The following GON4L variants were observed in gnomAD, a reference collection of about 807,000 sequenced individuals.
The protein encoded by GON4L is gon-4 like.
Under a neutral mutation model 211.8 loss-of-function variants are expected in GON4L, and 87 were observed. The observed-to-expected ratio is 0.41, with a 90% CI of 0.35 to 0.49. GON4L has a LOEUF of 0.49. Among genes scored for constraint, GON4L ranks in the 20% least tolerant of loss-of-function variants. The probability of loss-of-function intolerance (pLI) is 0.15; values close to 1 mark genes in which losing one functional copy is unlikely to be tolerated. For synonymous variants in GON4L, 875 were observed against 962.6 expected (o/e 0.91, Z 1.68); for missense variants, 2,155 against 2,659.5 (o/e 0.81, Z 4.17).
At chr1:155,816,318 A>G in intron 6 of GON4L, 56 bp from the exon 7 acceptor site, 3 of 839,906 alleles carry the variant, frequency 3.6e-6, no homozygotes, top group East Asian at 5.1e-5. Flanking sequence ...ATTGTTTTTC[A>G]TGTTTACTTC....
At chr1:155,805,647 A>G (rs565436868) in intron 10 of GON4L, among the ~76,000 whole-genome samples, 1 of 151,888 alleles carries the variant, frequency 6.6e-6, no homozygotes, top group South Asian at 2.1e-4. Flanking sequence ...GCTTTCAGTT[A>G]GCATAATGCA....
intron 8 of GON4L, 127 bp from the exon 9 acceptor site, chr1:155,814,576 T>C (rs1371914062): frequency 9.8e-7 from 1 of 1,017,582 alleles, no homozygotes; most frequent in East Asian, 2.5e-5. Flanking sequence ...TGAACACCCG[T>C]CTCTGCTAAA....
At position 155,775,507 on chromosome 1, in the gene GON4L, C is replaced by T. The variant is rs549272848; in HGVS notation, c.2179-334G>A. On this transcript the variant is annotated intron_variant, in intron 16 of 31. Transcript: ENST00000368331. ...TTTCGCTCTGTCGCCCAGGCTGGAGCGTAGTGGTGCGATCTTGACTCACTG... is the reference window on the plus strand; with the variant it reads ...TTTCGCTCTGTCGCCCAGGCTGGAGTGTAGTGGTGCGATCTTGACTCACTG... Among the ~76,000 whole-genome samples, 8 of 150,274 alleles carry T rather than the reference C, an allele frequency of 5.3e-5. No homozygotes were observed. In the East Asian group the frequency reaches 1.2e-3, roughly 22 times the overall value.
intron 2 of GON4L, among the ~76,000 whole-genome samples, chr1:155,841,888 C>T (rs822499): frequency 0.86 from 131,361 of 152,162 alleles, 58,202 homozygotes; most frequent in East Asian, 1. Flanking sequence ...AGTAGCTGGG[C>T]GTGGTGGCGA....
rs1338037113 is a variant in GON4L at position 155,766,411 on chromosome 1, G to A, written c.3062C>T (p.Thr1021Ile). The A allele has an allele frequency of 9.9e-6, 16 of 1,614,038 alleles. No homozygotes were observed. The highest frequency in any genetic ancestry group is 1.2e-5 in the Non-Finnish European group (14 of 1,180,038). Reference sequence around the variant, plus strand: ...TTCTGAATGAGTTGATCGGGCTGGTGTTTTCCCAGGGTTGAAGCTGGGCTG... The same window carrying A: ...TTCTGAATGAGTTGATCGGGCTGGTATTTTCCCAGGGTTGAAGCTGGGCTG... The part of the protein sequence containing the change: ...SLQPSFNPGK[T>I]PARSTHSEAP... Residue 1021 changes from threonine to isoleucine, a missense_variant, in exon 21 of 32, where the codon ACA becomes ATA. Thr to Ile is a moderately conservative substitution (Grantham distance 89). Around this residue, in one of 6 missense-constraint regions of GON4L, gnomAD observed 615 missense variants for 625.7 expected, o/e 0.98. Coordinates refer to ENST00000368331, the MANE Select transcript of GON4L (RefSeq NM_001282860.2).
rs1182059824 is a variant in GON4L, at chr1:155,789,621, AG to A, written c.1748-4248del. Among the ~76,000 whole-genome samples the A allele has an allele frequency of 1.2e-3, 186 of 152,172 alleles. 1 individual carries two copies. Among genetic ancestry groups the A allele is most frequent in the African/African-American group, 4.3e-3 (179 of 41,536 alleles). On this transcript the variant is annotated intron_variant, in intron 12 of 31. Transcript: ENST00000368331. ...ACCTTGTCTGAATTTAAAAAAAAAA[AG>A]AAAAAAAAGTGAAGTATAATTTACT... is the stretch of plus-strand genomic sequence containing the variant.
chr1:155,814,533 T>C, intron 8 of GON4L, 84 bp from the exon 9 acceptor site: 2 of 1,372,722 alleles, frequency 1.5e-6, no homozygotes, highest in Admixed American at 3.4e-5. Flanking sequence ...GAAGGAATCA[T>C]AAAATATCAA....
intron 12 of GON4L, among the ~76,000 whole-genome samples, chr1:155,791,729 G>A (rs958381798): frequency 6.6e-6 from 1 of 151,488 alleles, no homozygotes; most frequent in Non-Finnish European, 1.5e-5. Flanking sequence ...TTAGCTGGGC[G>A]TGGTGGCGGG....
chr1:155,806,344 G>A (rs1223169984), intron 10 of GON4L, among the ~76,000 whole-genome samples: 1 of 151,464 alleles, frequency 6.6e-6, no homozygotes, highest in Non-Finnish European at 1.5e-5. Flanking sequence ...GTAGAAATGG[G>A]GTTGGCCAGG....
At chr1:155,835,464 A>C (rs963889903) in intron 2 of GON4L, among the ~76,000 whole-genome samples, 1 of 123,178 alleles carries the variant, frequency 8.1e-6, no homozygotes, top group African/African-American at 3.4e-5. Flanking sequence ...ATGATCAATT[A>C]AAAAAAAAAA....
At chr1:155,858,005 C>A (rs1395193249), upstream of GON4L, among the ~76,000 whole-genome samples, 1 of 152,188 alleles carries the variant, frequency 6.6e-6, no homozygotes, top group Non-Finnish European at 1.5e-5. Flanking sequence ...CCAGTTTGCA[C>A]AGGACAAAGT....
chr1:155,766,826 A>C (rs1465937510), intron 20 of GON4L, 117 bp from the exon 21 acceptor site: 2 of 1,500,372 alleles, frequency 1.3e-6, no homozygotes, highest in Non-Finnish European at 1.8e-6. Flanking sequence ...TGGGCAGATC[A>C]CTTGAGGTCA....
intron 3 of GON4L, 59 bp from the exon 4 acceptor site, chr1:155,822,535 C>A: frequency 7.7e-7 from 1 of 1,291,408 alleles, no homozygotes; most frequent in Non-Finnish European, 1.1e-6. Flanking sequence ...GGAACTTAGC[C>A]CAGAAAGCCA....
chr1:155,829,533 GAGGTTGCAGTGAGCCA>G lies in GON4L; in HGVS notation c.506-2521_506-2506del, dbSNP rs574355513. Among the ~76,000 whole-genome samples, 122 of 152,292 alleles carry G rather than the reference GAGGTTGCAGTGAGCCA, an allele frequency of 8.0e-4. 1 individual carries two copies. The South Asian group carries it at 0.013, about 16-fold the overall frequency. On this transcript the variant is annotated intron_variant, in intron 2 of 31. Coordinates refer to ENST00000368331, the MANE Select transcript of GON4L (RefSeq NM_001282860.2). ...GAGAATCACCTGAACCGGGGAGGCA[GAGGTTGCAGTGAGCCA>G]AGGTTGCAGTGAGCCAAGGTTGCAC...
chr1:155,755,886 G>C (rs542502497), intron 27 of GON4L, among the ~76,000 whole-genome samples: 12 of 151,446 alleles, frequency 7.9e-5, no homozygotes, highest in South Asian at 2.1e-4. Flanking sequence ...GAAACAAAGA[G>C]AGGTTAAATA....
downstream of GON4L, among the ~76,000 whole-genome samples, chr1:155,745,383 G>A (rs1365082575): frequency 6.6e-6 from 1 of 152,266 alleles, no homozygotes; most frequent in East Asian, 1.9e-4. Flanking sequence ...GACTTCTGAA[G>A]AGATGAGGGG....
rs142487782 is a variant in GON4L, at chr1:155,795,063, T to C, written c.1734A>G (p.Ala578=). The C allele has an allele frequency of 5.7e-6, 9 of 1,585,402 alleles. No homozygotes were observed. Among genetic ancestry groups the C allele is most frequent in the Non-Finnish European group, 6.9e-6 (8 of 1,153,886 alleles). The change falls in exon 12 of 32, where the codon GCA becomes GCG. Residue 578 remains alanine, a synonymous_variant. Transcript: ENST00000368331. ...PDTEDFRTDR[A]VRITKKEVNE... ...ACACAGACTCACTGGTGATTCTCAC[T>C]GCCCGGTCAGTCCGGAAATCCTCTG...
intron 2 of GON4L, among the ~76,000 whole-genome samples, chr1:155,830,372 G>C (rs1024484830): frequency 1.3e-5 from 2 of 151,532 alleles, no homozygotes; most frequent in African/African-American, 4.9e-5. Flanking sequence ...CCGCCTCCCG[G>C]GTTCAAGAGA....
intron 17 of GON4L, among the ~76,000 whole-genome samples, chr1:155,774,505 C>G (rs1362243155): frequency 6.6e-6 from 1 of 152,030 alleles, no homozygotes; most frequent in East Asian, 1.9e-4. Context: ...GACGGGGTTT[C>G]ACTGTGTTCG....
Sources: gnomAD v4.1 joint callset for allele counts (sites outside exome capture counted in the v4.1 genomes callset) on GRCh38, gnomAD v4.1.1 for gene constraint, gnomAD v4.1.1 regional missense constraint, MANE v1.5 for transcripts, NCBI Gene and HGNC (gene_info 2026-07-23, HGNC 2026-07-21) for gene names.